The following ARMCX4 variants were observed in gnomAD, a reference collection of about 807,000 sequenced individuals.
ARMCX4 encodes armadillo repeat-containing X-linked protein 4.
Under a neutral mutation model 34.7 loss-of-function variants are expected in ARMCX4, and 3 were observed. That is an observed-to-expected ratio of 0.09 (90% CI 0.04 to 0.22). ARMCX4 has a LOEUF of 0.22. Among genes scored for constraint, ARMCX4 ranks in the 10% least tolerant of loss-of-function variants. The pLI, the probability that ARMCX4 is intolerant of heterozygous loss-of-function variation, is 1.00. For missense variants in ARMCX4, 1,448 were observed against 1,720.8 expected, an observed-to-expected ratio of 0.84 and a Z score of 2.81; for synonymous variants, 513 against 632.8, an observed-to-expected ratio of 0.81 and a Z score of 2.84.
Position 101,488,951 on chromosome X carries a change from C to G in ARMCX4, c.362C>G (p.Ala121Gly). 4.3e-6 allele frequency: 5 copies of G among 1,156,005 alleles called. No individual in the cohort carries two copies. The highest frequency in any genetic ancestry group is 5.7e-6 in the Non-Finnish European group (5 of 873,025). ...PETQSESKVV[A>G]GTLVMTEAVT... Reference sequence around the variant, plus strand: ...ACTCAATCTGAGTCCAAAGTGGTGGCTGGAACACTGGTCATGACAGAGGCA... The same window carrying G: ...ACTCAATCTGAGTCCAAAGTGGTGGGTGGAACACTGGTCATGACAGAGGCA... The change falls in exon 6 of 6, where the codon GCT (alanine) becomes GGT (glycine). Residue 121 changes from alanine to glycine, a missense_variant. Around this residue, in one of 2 missense-constraint regions of ARMCX4, gnomAD observed 1,343 missense variants for 1,540.7 expected, o/e 0.87. Transcript: ENST00000423738.
intron 11 of ARMCX4, among the ~76,000 whole-genome samples, chrX:101,515,802 A>G (rs1284542023): frequency 2.7e-5 from 3 of 109,675 alleles, no homozygotes; most frequent in Admixed American, 2.0e-4. Flanking sequence ...TTAGCCTCCC[A>G]GAGTCTTGGG....
At chrX:101,515,444 T>C (rs1934713272) in intron 11 of ARMCX4, among the ~76,000 whole-genome samples, 1 of 44,639 alleles carries the variant, frequency 2.2e-5, no homozygotes, top group African/African-American at 9.8e-5. Flanking sequence ...CCTTCCTTCC[T>C]TCCTTCCTTC....
chrX:101,421,218 A>G (rs1027953033), intron 2 of ARMCX4, among the ~76,000 whole-genome samples: 13 of 109,173 alleles, frequency 1.2e-4, no homozygotes, highest in Non-Finnish European at 2.3e-4. Context: ...AAAAAAAAAA[A>G]AAAAAAGAAA....
At chrX:101,501,770 G>A (rs782129134) in intron 7 of ARMCX4, among the ~76,000 whole-genome samples, 8 of 112,440 alleles carry the variant, frequency 7.1e-5, no homozygotes, top group Admixed American at 1.9e-4. Flanking sequence ...TTTGTAAACT[G>A]TCATGGCACT....
chrX:101,500,580 A>T (rs1331304637), downstream of ARMCX4, among the ~76,000 whole-genome samples: 1 of 112,174 alleles, frequency 8.9e-6, no homozygotes, highest in African/African-American at 3.2e-5. Context: ...GACTACTGAA[A>T]ACTCAGCCAA....
chrX:101,445,495 G>C (rs1306333595), intron 3 of ARMCX4, among the ~76,000 whole-genome samples: 1 of 111,993 alleles, frequency 8.9e-6, no homozygotes, highest in Non-Finnish European at 1.9e-5. Context: ...AAAGAGCATT[G>C]GTACCCAGTT....
At chrX:101,433,369 CAT>C (rs782636676) in intron 2 of ARMCX4, among the ~76,000 whole-genome samples, 7 of 108,599 alleles carry the variant, frequency 6.4e-5, no homozygotes, top group East Asian at 2.9e-4. Flanking sequence ...TACATATAAA[CAT>C]ATGTACATAT....
At chrX:101,498,229 A>C (rs1248195631), downstream of ARMCX4, 6 of 325,252 alleles carry the variant, frequency 1.8e-5, no homozygotes, top group Non-Finnish European at 3.6e-5. Context: ...GCCAACCTGC[A>C]ACAGTTGGTA....
At chrX:101,441,265 C>T (rs1290069185) in intron 2 of ARMCX4, among the ~76,000 whole-genome samples, 2 of 111,179 alleles carry the variant, frequency 1.8e-5, no homozygotes, top group Non-Finnish European at 3.8e-5. Context: ...GAGCCTCAGA[C>T]AGGCCCTGAA....
At chrX:101,519,952 C>A (rs1181758105) in intron 11 of ARMCX4, among the ~76,000 whole-genome samples, 1 of 110,884 alleles carries the variant, frequency 9.0e-6, no homozygotes, top group Non-Finnish European at 1.9e-5. Flanking sequence ...TACCTGTTGG[C>A]CATTTGTATG....
chrX:101,436,354 C>G lies in ARMCX4; in HGVS notation n.165-7698C>G, dbSNP rs191082714. Among the ~76,000 whole-genome samples the G allele has an allele frequency of 2.8e-3, 314 of 110,649 alleles. 1 individual carries two copies. Among genetic ancestry groups the G allele is most frequent in the African/African-American group, 9.7e-3 (295 of 30,455 alleles). On this transcript the variant is annotated intron_variant and non_coding_transcript_variant, in intron 2 of 3. Transcript: ENST00000430461. ...GTTTGTAGTTCTCCTTTACGAGGTC[C>G]TTCACATCCCTTGTAAGTTGGATTC...
chrX:101,491,595 T>G lies in ARMCX4; in HGVS notation c.3006T>G (p.Leu1002=). The G allele has an allele frequency of 8.6e-7, 1 of 1,156,631 alleles. No homozygotes were observed. Among genetic ancestry groups the G allele is most frequent in the East Asian group, 3.2e-5 (1 of 30,790 alleles). The part of the protein sequence containing the change: ...AVANSQSETL[L]GARNKVKGNT... The stretch of plus-strand genomic sequence containing the variant: ...CTAATTCCCAGAGTGAGACCTTGCT[T>G]GGTGCCAGGAATAAGGTCAAGGGCA... Residue 1002 remains leucine (L), a synonymous_variant, in exon 6 of 6, where the codon CTT becomes CTG. Coordinates refer to ENST00000423738, the MANE Select transcript of ARMCX4 (RefSeq NM_001256155.3).
At chrX:101,419,467 A>G (rs573738873) in intron 2 of ARMCX4, among the ~76,000 whole-genome samples, 5 of 112,464 alleles carry the variant, frequency 4.4e-5, no homozygotes, top group African/African-American at 1.6e-4. Flanking sequence ...TTATAACTCA[A>G]AGAAGCTCTT....
At chrX:101,526,052 TG>T (rs1373278462) in intron 11 of ARMCX4, among the ~76,000 whole-genome samples, 1 of 110,324 alleles carries the variant, frequency 9.1e-6, no homozygotes, top group Non-Finnish European at 1.9e-5. Flanking sequence ...AAGGTTGAAA[TG>T]AAGGAAAAAA....
At chrX:101,448,497 C>T (rs1931778388), downstream of ARMCX4, among the ~76,000 whole-genome samples, 1 of 112,335 alleles carries the variant, frequency 8.9e-6, no homozygotes, top group Non-Finnish European at 1.9e-5. Flanking sequence ...CACATCCTTG[C>T]CAGCATTTGT....
chrX:101,509,541 T>TA (rs1934530517), intron 9 of ARMCX4: 1 of 111,986 alleles, frequency 8.9e-6, no homozygotes, highest in Admixed American at 9.5e-5. Context: ...TGACAAATGA[T>TA]ACAAATTTGT....
At chrX:101,487,996 G>A in intron 4 of ARMCX4, 48 bp from the exon 5 acceptor site, 1 of 761,407 alleles carries the variant, frequency 1.3e-6, no homozygotes, top group South Asian at 2.2e-5. Context: ...CCATCTGTCT[G>A]TCTGTCTCTA....
upstream of ARMCX4, among the ~76,000 whole-genome samples, chrX:101,482,561 A>AT (rs782480515): frequency 5.9e-4 from 36 of 61,141 alleles, no homozygotes; most frequent in East Asian, 1.4e-3. Context: ...AAGCCCAGCT[A>AT]TTTTTTTTTT....
intron 11 of ARMCX4, chrX:101,524,454 G>A (rs1287421074): frequency 1.8e-5 from 2 of 111,957 alleles, no homozygotes; most frequent in African/African-American, 6.5e-5. Flanking sequence ...AACTCACTGG[G>A]ACTGGTTGGA....
Sources: gnomAD v4.1 joint callset for allele counts (sites outside exome capture counted in the v4.1 genomes callset) on GRCh38, gnomAD v4.1.1 for gene constraint, gnomAD v4.1.1 regional missense constraint, MANE v1.5 for transcripts, NCBI Gene and HGNC (gene_info 2026-07-23, HGNC 2026-07-21) for gene names.